STRN: variants seen among roughly 807,000 people sequenced by gnomAD.
The protein encoded by STRN is protein phosphatase 2 regulatory subunit B'''alpha.
STRN carries 53 observed loss-of-function variants against 96.3 expected under a neutral mutation model. That is an observed-to-expected ratio of 0.55 (90% CI 0.44 to 0.69). The LOEUF (loss-of-function observed/expected upper bound fraction) is 0.69. Among genes scored for constraint, STRN ranks in the 30% least tolerant of loss-of-function variants. STRN has a pLI of 0.00. For synonymous variants in STRN, 428 were observed against 355.9 expected (o/e 1.20, Z -2.28); for missense variants, 987 against 963.9 (o/e 1.02, Z -0.32).
chr2:36,949,347 T>C (rs771432611), intron 1 of STRN, among the ~76,000 whole-genome samples: 6 of 152,192 alleles, frequency 3.9e-5, no homozygotes, highest in African/African-American at 7.2e-5. Context: ...TGCTCTAATA[T>C]GTAGGAAATA....
At chr2:36,955,713 T>C (rs1421588824) in intron 1 of STRN, among the ~76,000 whole-genome samples, 1 of 152,222 alleles carries the variant, frequency 6.6e-6, no homozygotes, top group African/African-American at 2.4e-5. Context: ...ATCTCTAGCC[T>C]GTCCCCTACC....
chr2:36,915,232 A>AATATATATATATATATATATAT (rs72466696), intron 3 of STRN, among the ~76,000 whole-genome samples: 13 of 86,494 alleles, frequency 1.5e-4, no homozygotes, highest in South Asian at 4.7e-4. Flanking sequence ...TGAATACATA[A>AATATATATATATATATATATAT]ATATATATAT....
At chr2:36,863,117 G>A (rs1162497965) in intron 12 of STRN, among the ~76,000 whole-genome samples, 1 of 152,054 alleles carries the variant, frequency 6.6e-6, no homozygotes, top group East Asian at 1.9e-4. Context: ...CTCTCATTCT[G>A]TGGGTTGTCT....
chr2:36,869,539 G>T lies in STRN; in HGVS notation c.1499+15C>A. ...CTTAAAATATTCAAATAATGTTAAAGTAGAATATTCTCACTTTTTGGCTGG... is the reference window on the plus strand; with the variant it reads ...CTTAAAATATTCAAATAATGTTAAATTAGAATATTCTCACTTTTTGGCTGG... On this transcript the variant is annotated intron_variant, in intron 11 of 17. Coordinates refer to ENST00000263918, the MANE Select transcript of STRN (RefSeq NM_003162.4). 1 of 1,493,230 alleles carries T rather than the reference G, an allele frequency of 6.7e-7. No individual in the cohort carries two copies. The highest frequency in any genetic ancestry group is 9.0e-7 in the Non-Finnish European group (1 of 1,114,242). The allele number at this position is 1,493,230 out of a possible 1,614,324, so 92.5% of individuals were successfully genotyped here.
At chr2:36,912,361 C>T (rs1299614081) in intron 3 of STRN, among the ~76,000 whole-genome samples, 1 of 152,144 alleles carries the variant, frequency 6.6e-6, no homozygotes, top group Non-Finnish European at 1.5e-5. Context: ...GCTAACTATA[C>T]CCACTTTATT....
intron 1 of STRN, among the ~76,000 whole-genome samples, chr2:36,937,354 A>G (rs1285007820): frequency 2.7e-5 from 4 of 150,478 alleles, no homozygotes; most frequent in Admixed American, 6.6e-5. Flanking sequence ...AAAAAAAAAA[A>G]AAAAGAAAAG....
chr2:36,868,269 C>G (rs928644718), intron 11 of STRN, among the ~76,000 whole-genome samples: 4 of 152,120 alleles, frequency 2.6e-5, no homozygotes, highest in African/African-American at 7.2e-5. Flanking sequence ...ATGGGAATAA[C>G]ACCAAATAAT....
chr2:36,895,256 G>A (rs1430261510), intron 6 of STRN, among the ~76,000 whole-genome samples: 2 of 151,850 alleles, frequency 1.3e-5, no homozygotes, highest in African/African-American at 2.4e-5. Flanking sequence ...GAACCTGGGA[G>A]GCAGAGCTTG....
rs915449741 is a variant in STRN at position 36,849,304 on chromosome 2, T to C, written c.*152A>G. 2.2e-6 allele frequency: 2 copies of C among 890,478 alleles called. No individual in the cohort carries two copies. Among genetic ancestry groups the C allele is most frequent in the African/African-American group, 1.7e-5 (1 of 59,094 alleles). 55.2% of individuals were successfully genotyped at this position (890,478 alleles called of 1,614,324 possible). On this transcript the variant is annotated 3_prime_UTR_variant, in exon 18 of 18. Transcript: ENST00000263918. The stretch of plus-strand genomic sequence containing the variant: ...AACCTTAGTTTTAGAAAACAGTATA[T>C]GAATTGCAAAACTATACTTCAACAA...
chr2:36,865,747 A>G (rs1032269607), intron 12 of STRN, among the ~76,000 whole-genome samples: 2 of 151,972 alleles, frequency 1.3e-5, no homozygotes, highest in African/African-American at 4.8e-5. Context: ...TTTTTAGTAG[A>G]GATGGGGTTT....
At chr2:36,870,951 T>C (rs1051181919) in intron 10 of STRN, among the ~76,000 whole-genome samples, 1 of 152,124 alleles carries the variant, frequency 6.6e-6, no homozygotes, top group African/African-American at 2.4e-5. Flanking sequence ...CGTATGTGTA[T>C]TCATTTTTAA....
intron 3 of STRN, among the ~76,000 whole-genome samples, chr2:36,906,680 C>T (rs1669828993): frequency 1.3e-5 from 2 of 151,800 alleles, no homozygotes; most frequent in South Asian, 4.2e-4. Context: ...AATCCCAGCA[C>T]CTTGGGAGGC....
chr2:36,933,273 C>T (rs1473948842), intron 1 of STRN, among the ~76,000 whole-genome samples: 1 of 152,050 alleles, frequency 6.6e-6, no homozygotes, highest in African/African-American at 2.4e-5. Flanking sequence ...GGAGGGTGTG[C>T]ATAGTTTATA....
rs748408698 is a variant in STRN at position 36,925,192 on chromosome 2, A to G, written c.251T>C (p.Leu84Pro). 1.9e-6 allele frequency: 3 copies of G among 1,613,944 alleles called. No homozygotes were observed. The highest frequency in any genetic ancestry group is 2.5e-6 in the Non-Finnish European group (3 of 1,179,820). The change falls in exon 2 of 18, where the codon CTG (leucine) becomes CCG (proline). Residue 84 changes from leucine (L) to proline (P), a missense_variant. Leu to Pro is a moderately conservative substitution (Grantham distance 98). Transcript: ENST00000263918. ...RAELQAQIAF[L>P]QGERKGQENL... ...TTCTTGGCCCTTCCTTTCTCCCTGC[A>G]GGAAGGCAATCTGGGCCTGAGTAGG...
intron 10 of STRN, among the ~76,000 whole-genome samples, chr2:36,874,277 A>G (rs962481759): frequency 3.3e-5 from 5 of 151,814 alleles, no homozygotes; most frequent in South Asian, 4.2e-4. Context: ...AAAAAAAAAA[A>G]GAGCAAAAAC....
intron 3 of STRN, among the ~76,000 whole-genome samples, chr2:36,907,219 T>A (rs1430217660): frequency 6.6e-6 from 1 of 152,076 alleles, no homozygotes; most frequent in African/African-American, 2.4e-5. Flanking sequence ...GGAGATACAA[T>A]AGGGACTGGA....
chr2:36,885,288 A>C (rs1376793601), intron 8 of STRN, among the ~76,000 whole-genome samples: 1 of 152,132 alleles, frequency 6.6e-6, no homozygotes, highest in Non-Finnish European at 1.5e-5. Context: ...GTATTTCAAG[A>C]CATTCATTTT....
chr2:36,879,230 C>G (rs1669003699), intron 9 of STRN, among the ~76,000 whole-genome samples: 1 of 151,996 alleles, frequency 6.6e-6, no homozygotes, highest in Non-Finnish European at 1.5e-5. Flanking sequence ...GCCACCATGC[C>G]TGGCTAATTT....
At chr2:36,862,397 G>A (rs1220811915) in intron 12 of STRN, among the ~76,000 whole-genome samples, 1 of 152,138 alleles carries the variant, frequency 6.6e-6, no homozygotes, top group Non-Finnish European at 1.5e-5. Flanking sequence ...TTTCTCCACA[G>A]CCTTGCCAGC....
Sources: gnomAD v4.1 joint callset for allele counts (sites outside exome capture counted in the v4.1 genomes callset) on GRCh38, gnomAD v4.1.1 for gene constraint, MANE v1.5 for transcripts, NCBI Gene and HGNC (gene_info 2026-07-23, HGNC 2026-07-21) for gene names.